GPHN: variants seen among roughly 807,000 people sequenced by gnomAD.
The protein encoded by GPHN is gephyrin.
A neutral mutation model predicts 95.5 loss-of-function variants in GPHN; 17 were observed. The observed-to-expected ratio is 0.18, with a 90% confidence interval of 0.12 to 0.27. The LOEUF is 0.27. GPHN is among the 10% of genes least tolerant of loss of function. GPHN has a pLI of 1.00. For missense variants in GPHN, 660 were observed against 978.1 expected, an observed-to-expected ratio of 0.67 and a Z score of 4.34; for synonymous variants, 320 against 322.5, an observed-to-expected ratio of 0.99 and a Z score of 0.08.
intron 6 of GPHN, among the ~76,000 whole-genome samples, chr14:66,918,302 C>T (rs2066018207): frequency 6.6e-6 from 1 of 152,128 alleles, no homozygotes; most frequent in South Asian, 2.1e-4. Context: ...GGATGCTCAC[C>T]TGAGCCTTTG....
chr14:67,136,100 A>T (rs2080063099), intron 17 of GPHN, among the ~76,000 whole-genome samples: 1 of 136,058 alleles, frequency 7.3e-6, no homozygotes, highest in Admixed American at 7.3e-5. Context: ...TTGCCCCAGA[A>T]GTTTTATTTC....
At chr14:67,661,997 A>G in the GPHN span, among the ~76,000 whole-genome samples, 443 of 152,198 alleles carry the variant, frequency 2.9e-3, 1 homozygote, top group Non-Finnish European at 5.3e-3. Context: ...TCTACTGAAA[A>G]TACAAAAAAA....
intron 1 of GPHN, among the ~76,000 whole-genome samples, chr14:66,627,558 G>A (rs1381413498): frequency 6.6e-6 from 1 of 151,946 alleles, no homozygotes; most frequent in African/African-American, 2.4e-5. Flanking sequence ...ATTTCCTTGA[G>A]GTATGTATCT....
the GPHN span, among the ~76,000 whole-genome samples, chr14:67,211,243 A>T: frequency 6.6e-6 from 1 of 152,236 alleles, no homozygotes; most frequent in African/African-American, 2.4e-5. Context: ...CTAGGTATAG[A>T]TATAGATAAA....
the GPHN span, among the ~76,000 whole-genome samples, chr14:67,548,926 G>C: frequency 5.9e-5 from 9 of 152,048 alleles, no homozygotes; most frequent in Non-Finnish European, 1.0e-4. Flanking sequence ...TGGATAAATG[G>C]TTCTGTTTAC....
chr14:67,197,787 C>T, the GPHN span, among the ~76,000 whole-genome samples: 7 of 152,206 alleles, frequency 4.6e-5, no homozygotes, highest in Admixed American at 1.3e-4. Flanking sequence ...ATTGAGAGAC[C>T]TCCTAGAGAA....
At chr14:66,838,676 A>G (rs536571948) in intron 4 of GPHN, among the ~76,000 whole-genome samples, 25 of 152,312 alleles carry the variant, frequency 1.6e-4, no homozygotes, top group Admixed American at 1.6e-3. Flanking sequence ...ATCTAGAGAC[A>G]TAGTCTAAGG....
the GPHN span, chr14:67,729,352 C>T: frequency 6.3e-7 from 1 of 1,598,168 alleles, no homozygotes; most frequent in Non-Finnish European, 8.5e-7. Context: ...GGCTGAGGGC[C>T]TGGAGCCCCT....
chr14:67,230,856 A>G, the GPHN span, among the ~76,000 whole-genome samples: 1 of 152,224 alleles, frequency 6.6e-6, no homozygotes, highest in Non-Finnish European at 1.5e-5. Context: ...TGGTCAAAAA[A>G]TATTAAATAG....
At chr14:67,553,828 TC>T in the GPHN span, among the ~76,000 whole-genome samples, 1 of 152,212 alleles carries the variant, frequency 6.6e-6, no homozygotes, top group Non-Finnish European at 1.5e-5. Flanking sequence ...TCCATCTGGC[TC>T]AAACCGATGC....
chr14:66,797,688 A>G (rs1169142804), intron 3 of GPHN, among the ~76,000 whole-genome samples: 2 of 151,944 alleles, frequency 1.3e-5, no homozygotes, highest in African/African-American at 4.8e-5. Flanking sequence ...GTATCCTGTA[A>G]CTTCACTGAA....
At chr14:66,559,993 G>A (rs1244123857) in intron 1 of GPHN, among the ~76,000 whole-genome samples, 1 of 152,136 alleles carries the variant, frequency 6.6e-6, no homozygotes, top group African/African-American at 2.4e-5. Context: ...TTATTAAATA[G>A]GGAATCCTTT....
chr14:66,778,763 C>T (rs1337774873), intron 3 of GPHN, among the ~76,000 whole-genome samples: 1 of 102,526 alleles, frequency 9.8e-6, no homozygotes, highest in Non-Finnish European at 1.7e-5. Flanking sequence ...TTGAGACAGT[C>T]TCGCTCTGTC....
chr14:67,680,430 T>C, the GPHN span, among the ~76,000 whole-genome samples: 1 of 152,210 alleles, frequency 6.6e-6, no homozygotes, highest in African/African-American at 2.4e-5. Flanking sequence ...AGGTTCCTTG[T>C]AGGCTATAAA....
the GPHN span, among the ~76,000 whole-genome samples, chr14:67,606,537 C>A: frequency 6.6e-6 from 1 of 152,176 alleles, no homozygotes; most frequent in African/African-American, 2.4e-5. Context: ...TTATTTTGAT[C>A]AAGCCACAGC....
chr14:66,983,078 C>T (rs567781618), intron 9 of GPHN, among the ~76,000 whole-genome samples: 5 of 152,122 alleles, frequency 3.3e-5, no homozygotes, highest in Admixed American at 2.6e-4. Flanking sequence ...ATGGTGAAAC[C>T]CTGTCTCTAC....
At chr14:67,221,802 C>T in the GPHN span, 36 of 1,613,114 alleles carry the variant, frequency 2.2e-5, no homozygotes, top group African/African-American at 4.5e-4. Flanking sequence ...GAATCAAACA[C>T]TTCAGGTATG....
the GPHN span, chr14:67,387,562 A>T: frequency 8.8e-7 from 1 of 1,133,898 alleles, no homozygotes; most frequent in South Asian, 1.4e-5. Flanking sequence ...ACATACAATG[A>T]TGTATTTATT....
intron 2 of GPHN, among the ~76,000 whole-genome samples, chr14:66,701,327 CTTGT>C (rs2068535189): frequency 1.3e-5 from 2 of 152,128 alleles, no homozygotes; most frequent in Admixed American, 1.3e-4. Flanking sequence ...TGCATAGCAT[CTTGT>C]TTATTTATAA....
Sources: allele counts gnomAD v4.1 joint callset (sites outside exome capture counted in the v4.1 genomes callset), GRCh38; gene constraint gnomAD v4.1.1; transcripts MANE v1.5; gene names NCBI Gene and HGNC (gene_info 2026-07-23, HGNC 2026-07-21).